Variants in USO1 observed in about 807,000 individuals in gnomAD.
USO1 encodes the protein USO1 vesicle transport factor.
A neutral mutation model predicts 124.5 loss-of-function variants in USO1; 57 were observed. The ratio of observed to expected loss-of-function variants is 0.46; its 90% CI spans 0.37 to 0.57. The LOEUF is 0.57. USO1 is among the 20% of genes least tolerant of loss of function. The pLI is 0.00. For missense variants in USO1, 900 were observed against 1,040.6 expected (o/e 0.86, Z 1.86); for synonymous variants, 369 against 362.8 (o/e 1.02, Z -0.19).
At chr4:75,756,848 G>A (rs1056528386) in intron 3 of USO1, among the ~76,000 whole-genome samples, 1 of 151,708 alleles carries the variant, frequency 6.6e-6, no homozygotes, top group African/African-American at 2.4e-5. Context: ...AATATATAAA[G>A]AAGAAAAACA....
chr4:75,798,784 CATTACT>C (rs1560459100), intron 13 of USO1, among the ~76,000 whole-genome samples: 1 of 151,790 alleles, frequency 6.6e-6, no homozygotes, highest in Non-Finnish European at 1.5e-5. Context: ...CAAAGTGATG[CATTACT>C]ATTCTGATTT....
Position 75,724,595 on chromosome 4 carries a change from T to C in USO1, c.-225T>C, listed in dbSNP as rs1720326113. 1.8e-6 allele frequency: 1 copy of C among 559,428 alleles called. No homozygotes were observed. The highest frequency in any genetic ancestry group is 3.3e-5 in the East Asian group (1 of 30,738). The allele number at this position is 559,428 out of a possible 1,614,324, so 34.7% of individuals were successfully genotyped here. ...TCCGCTCCCCTTTTGCCTTCAACCT[T>C]CGAGCCGCCACGTAATGCCACGTCC... On this transcript the variant is annotated 5_prime_UTR_variant, in exon 1 of 24. Coordinates refer to ENST00000514213, the MANE Select transcript of USO1 (RefSeq NM_003715.4).
At chr4:75,737,502 C>T (rs1334063048) in intron 1 of USO1, among the ~76,000 whole-genome samples, 4 of 150,564 alleles carry the variant, frequency 2.7e-5, no homozygotes, top group African/African-American at 7.4e-5. Context: ...GTGTTAGCTA[C>T]CATTAGCTGT....
chr4:75,729,189 G>T (rs950477168), intron 1 of USO1, among the ~76,000 whole-genome samples: 8 of 151,918 alleles, frequency 5.3e-5, no homozygotes, highest in Admixed American at 2.6e-4. Flanking sequence ...CAGTTTGCTG[G>T]GTGCATATTA....
chr4:75,738,908 A>G (rs1450452001), intron 1 of USO1, among the ~76,000 whole-genome samples: 1 of 151,892 alleles, frequency 6.6e-6, no homozygotes, highest in Non-Finnish European at 1.5e-5. Context: ...GCTGGAGTGC[A>G]ATGGTGCAAA....
chr4:75,811,879 G>A (rs1723160198), intron 22 of USO1, among the ~76,000 whole-genome samples: 1 of 151,954 alleles, frequency 6.6e-6, no homozygotes, highest in Non-Finnish European at 1.5e-5. Flanking sequence ...ATCTGAAATG[G>A]TACTGTTTTT....
chr4:75,796,341 C>CTTTTTTTTTTTTTTTTTTTTT lies in USO1; in HGVS notation c.1452+2452_1452+2453insTTTTTTTTTTTTTTTTTTTTT, dbSNP rs533041107. On this transcript the variant is annotated intron_variant, in intron 13 of 23. Transcript: ENST00000514213. ...TAATCCCAGAAAGTTCCATCATGCTCTTTTTTTTTTTTGAGACGGAGTCTC... is the reference window on the plus strand; with the variant it reads ...TAATCCCAGAAAGTTCCATCATGCTCTTTTTTTTTTTTTTTTTTTTTTTTTTTTTTTTTGAGACGGAGTCTC... 1.1e-3 allele frequency among the ~76,000 whole-genome samples: 111 copies of CTTTTTTTTTTTTTTTTTTTTT among 102,040 alleles called. 25 individuals carry two copies. The highest frequency in any genetic ancestry group is 1.4e-3 in the Admixed American group (11 of 8,050). 66.9% of individuals were successfully genotyped at this position (102,040 alleles called of 152,430 possible). A position where few individuals can be genotyped will look rare whatever the true frequency, so the allele number is the denominator to read the frequency against.
chr4:75,737,970 G>A (rs1162254392), intron 1 of USO1, among the ~76,000 whole-genome samples: 1 of 151,488 alleles, frequency 6.6e-6, no homozygotes, highest in Non-Finnish European at 1.5e-5. Flanking sequence ...TGGGATCACG[G>A]GCATGTGCCA....
intron 4 of USO1, chr4:75,767,467 G>A (rs1050914962): frequency 5.4e-5 from 24 of 445,110 alleles, no homozygotes; most frequent in African/African-American, 1.0e-4. Context: ...ACTCTTGGCC[G>A]GGCATGGTGG....
At chr4:75,802,029 G>T (rs756550695) in intron 17 of USO1, among the ~76,000 whole-genome samples, 4 of 152,186 alleles carry the variant, frequency 2.6e-5, no homozygotes, top group Non-Finnish European at 5.9e-5. Flanking sequence ...ATGTTGGCTG[G>T]TGTTGATCTC....
intron 1 of USO1, among the ~76,000 whole-genome samples, chr4:75,725,353 C>T (rs974901798): frequency 6.6e-6 from 1 of 152,194 alleles, no homozygotes; most frequent in African/African-American, 2.4e-5. Context: ...GTTTAAAACC[C>T]AGCTGTTGGT....
intron 1 of USO1, among the ~76,000 whole-genome samples, chr4:75,732,796 T>TTGAACCAGGGAGTTGGAGGTTGCAG (rs1303731931): frequency 7.2e-6 from 1 of 139,208 alleles, no homozygotes; most frequent in East Asian, 2.2e-4. Context: ...GGAGAATCAC[T>TTGAACCAGGGAGTTGGAGGTTGCAG]TGAACCAGGG....
intron 8 of USO1, among the ~76,000 whole-genome samples, chr4:75,781,252 A>G (rs1368291955): frequency 6.6e-6 from 1 of 152,146 alleles, no homozygotes; most frequent in Admixed American, 6.5e-5. Context: ...GGAGCCTGAA[A>G]ATGTGATTGA....
intron 7 of USO1, among the ~76,000 whole-genome samples, chr4:75,772,731 A>G (rs1272453072): frequency 2.0e-5 from 3 of 152,090 alleles, no homozygotes; most frequent in African/African-American, 7.3e-5. Context: ...ATCATAAATT[A>G]TGTCTCCCCA....
intron 7 of USO1, among the ~76,000 whole-genome samples, chr4:75,773,443 T>G (rs1325773867): frequency 6.6e-6 from 1 of 152,176 alleles, no homozygotes; most frequent in Non-Finnish European, 1.5e-5. Flanking sequence ...AAAAACCCTG[T>G]GACAAAGATA....
chr4:75,770,489 A>T lies in USO1; in HGVS notation c.346A>T (p.Ile116Phe), dbSNP rs767012471. Residue 116 changes from isoleucine (I) to phenylalanine (F), a missense_variant, in exon 5 of 24, where the codon ATT (isoleucine) becomes TTT (phenylalanine). By Grantham distance (21) the Ile-to-Phe change is conservative. Transcript: ENST00000514213. Reference sequence around the variant, plus strand: ...AGATTTGGGAAGCCAATTTACAGAAATTTTCATTAAGCAGCAGGAAAATGT... The same window carrying T: ...AGATTTGGGAAGCCAATTTACAGAATTTTTCATTAAGCAGCAGGAAAATGT... ...SEDLGSQFTE[I>F]FIKQQENVTL... 6.3e-7 allele frequency: 1 copy of T among 1,597,010 alleles called. No individual in the cohort carries two copies. Among genetic ancestry groups the T allele is most frequent in the South Asian group, 1.1e-5 (1 of 87,756 alleles).
Position 75,729,022 on chromosome 4 carries a change from T to C in USO1, c.66+4137T>C, listed in dbSNP as rs541363161. Among the ~76,000 whole-genome samples, 23 of 152,266 alleles carry C rather than the reference T, an allele frequency of 1.5e-4. No homozygotes were observed. The South Asian group carries it at 4.6e-3, about 30-fold the overall frequency. On this transcript the variant is annotated intron_variant, in intron 1 of 23. Coordinates refer to ENST00000514213, the MANE Select transcript of USO1 (RefSeq NM_003715.4). ...CGTGTTAACCAGGATGGTCTCGATC[T>C]CCTGACTTCGTGATCCGCCTGCCTT...
At chr4:75,730,493 G>A (rs879555263) in intron 1 of USO1, among the ~76,000 whole-genome samples, 2 of 151,550 alleles carry the variant, frequency 1.3e-5, no homozygotes, top group Non-Finnish European at 1.5e-5. Flanking sequence ...CTATTATTTT[G>A]AGAAGCATAC....
At chr4:75,755,482 C>CT (rs1214570632) in intron 3 of USO1, 1 of 519,932 alleles carries the variant, frequency 1.9e-6, no homozygotes, top group East Asian at 5.5e-5. Context: ...TCAAACAAAG[C>CT]TAAAGATACA....
Sources: gnomAD v4.1 joint callset for allele counts (sites outside exome capture counted in the v4.1 genomes callset) on GRCh38, gnomAD v4.1.1 for gene constraint, MANE v1.5 for transcripts, NCBI Gene and HGNC (gene_info 2026-07-23, HGNC 2026-07-21) for gene names.